Variants in SYT12 observed in about 807,000 individuals in gnomAD.
SYT12 encodes synaptotagmin-12.
In SYT12, 27 loss-of-function variants were observed where a neutral mutation model predicts 39.5. The ratio of observed to expected loss-of-function variants is 0.68; its 90% CI spans 0.50 to 0.94. SYT12 has a LOEUF of 0.94. Ranked by LOEUF, SYT12 falls within the 40% of genes least tolerant of loss-of-function variation. SYT12 has a pLI of 0.00. For missense variants in SYT12, 536 were observed against 572.6 expected (o/e 0.94, Z 0.65); for synonymous variants, 233 against 239.7 (o/e 0.97, Z 0.26).
intron 4 of SYT12, 72 bp from the exon 5 acceptor site, chr11:67,043,566 C>A: frequency 7.0e-7 from 1 of 1,428,344 alleles, no homozygotes. Context: ...CCTCTGGACT[C>A]CCTGTCCAGT....
chr11:67,045,970 G>A (rs1251142603), intron 7 of SYT12, 93 bp downstream of exon 7: 9 of 1,532,500 alleles, frequency 5.9e-6, no homozygotes, highest in Non-Finnish European at 7.1e-6. Flanking sequence ...GGCCCCTGCA[G>A]GGGTAGTGGT....
chr11:67,044,550 T>A, intron 5 of SYT12, 43 bp from the exon 6 acceptor site: 2 of 1,599,408 alleles, frequency 1.3e-6, no homozygotes. Flanking sequence ...ACCCCTCAAG[T>A]CGGGTGGGGA....
At chr11:67,014,802 G>A (rs529722639) in intron 3 of SYT12, among the ~76,000 whole-genome samples, 3 of 152,216 alleles carry the variant, frequency 2.0e-5, no homozygotes, top group Admixed American at 2.0e-4. Context: ...ACCTGGCCAG[G>A]TTCCCTGTCC....
intron 1 of SYT12, among the ~76,000 whole-genome samples, chr11:67,025,770 G>T (rs939558257): frequency 5.9e-5 from 9 of 152,138 alleles, no homozygotes; most frequent in African/African-American, 2.2e-4. Context: ...CCAATTCACT[G>T]CCCTTCTCTG....
intron 1 of SYT12, among the ~76,000 whole-genome samples, chr11:67,009,345 G>A (rs1451865841): frequency 6.6e-6 from 1 of 151,858 alleles, no homozygotes; most frequent in Admixed American, 6.6e-5. Context: ...AAAGGCTTGA[G>A]GGCAGTGGCT....
intron 7 of SYT12, among the ~76,000 whole-genome samples, chr11:67,046,107 A>G (rs770150281): frequency 8.6e-5 from 13 of 151,420 alleles, no homozygotes; most frequent in Non-Finnish European, 1.3e-4. Flanking sequence ...TCCCTAATCC[A>G]CTAAGAGTGT....
rs1433189570 is a variant in SYT12 at position 67,035,590 on chromosome 11, T to A, written c.228+752T>A. Among the ~76,000 whole-genome samples, 6 of 151,032 alleles carry A rather than the reference T, an allele frequency of 4.0e-5. No individual in the cohort carries two copies. The East Asian group carries it at 1.2e-3, about 30-fold the overall frequency. On this transcript the variant is annotated intron_variant, in intron 3 of 7. Transcript: ENST00000527043. ...CTCCTGCCTCAGCCTCCTGAGTAGC[T>A]GGGACTACAGGCACCCGCCACCATG...
chr11:67,019,871 T>C (rs1950090779), upstream of SYT12, among the ~76,000 whole-genome samples: 1 of 140,150 alleles, frequency 7.1e-6, no homozygotes, highest in Non-Finnish European at 1.5e-5. Flanking sequence ...CACTCCAGCC[T>C]GGGTGAAAGA....
intron 7 of SYT12, among the ~76,000 whole-genome samples, chr11:67,048,161 C>T (rs531115388): frequency 1.3e-5 from 2 of 150,474 alleles, no homozygotes; most frequent in Non-Finnish European, 3.0e-5. Context: ...ATCCCAGCTA[C>T]TTGGGAGGCT....
chr11:67,034,453 C>A (rs1309811464), intron 2 of SYT12, among the ~76,000 whole-genome samples, 192 bp from the exon 3 acceptor site: 1 of 152,206 alleles, frequency 6.6e-6, no homozygotes, highest in African/African-American at 2.4e-5. Context: ...CAGAAAAAAT[C>A]TGAAACCCAA....
intron 4 of SYT12, among the ~76,000 whole-genome samples, chr11:67,043,071 T>C (rs1048234524): frequency 2.1e-4 from 32 of 152,124 alleles, no homozygotes; most frequent in African/African-American, 6.0e-4. Flanking sequence ...GAGCCCGCAA[T>C]GCACCTTCCC....
At chr11:67,039,734 C>T in intron 3 of SYT12, 77 bp from the exon 4 acceptor site, 1 of 1,507,624 alleles carries the variant, frequency 6.6e-7, no homozygotes, top group Non-Finnish European at 8.9e-7. Flanking sequence ...ACAGGCCTTA[C>T]TCATCTCTTT....
At chr11:67,013,772 G>C (rs910353559) in intron 3 of SYT12, among the ~76,000 whole-genome samples, 1 of 152,262 alleles carries the variant, frequency 6.6e-6, no homozygotes, top group African/African-American at 2.4e-5. Flanking sequence ...TGCCGTCTGC[G>C]TTCCTTTCCT....
chr11:67,009,049 C>A (rs548159054), intron 1 of SYT12, among the ~76,000 whole-genome samples: 1 of 151,798 alleles, frequency 6.6e-6, no homozygotes, highest in Non-Finnish European at 1.5e-5. Context: ...CTGGCTCTGT[C>A]GCCCAGGCTA....
At chr11:67,018,828 AAAAAAG>A (rs1407680128), upstream of SYT12, among the ~76,000 whole-genome samples, 1 of 152,078 alleles carries the variant, frequency 6.6e-6, no homozygotes, top group Non-Finnish European at 1.5e-5. Flanking sequence ...GTCTCAAAAA[AAAAAAG>A]AAAAAGAAAA....
intron 1 of SYT12, chr11:67,028,512 G>A (rs1393903709): frequency 6.6e-6 from 1 of 152,180 alleles, no homozygotes; most frequent in Non-Finnish European, 1.5e-5. Context: ...CACCCCAAAT[G>A]TGCTGGATAA....
At chr11:67,041,059 C>T (rs1242640919) in intron 4 of SYT12, among the ~76,000 whole-genome samples, 1 of 151,896 alleles carries the variant, frequency 6.6e-6, no homozygotes, top group Non-Finnish European at 1.5e-5. Flanking sequence ...ATTTATAGTC[C>T]CAGCTACTTG....
intron 3 of SYT12, among the ~76,000 whole-genome samples, chr11:67,017,995 C>T (rs1020269309): frequency 6.6e-6 from 1 of 150,818 alleles, no homozygotes. Context: ...GGCGCGGTGG[C>T]TCACACATGT....
At position 67,043,565 on chromosome 11, in the gene SYT12, T is replaced by C. The variant is rs1235826447; in HGVS notation, c.622-73T>C. The C allele has an allele frequency of 7.1e-6, 10 of 1,412,374 alleles. No individual in the cohort carries two copies. In the East Asian group the frequency reaches 2.3e-4, roughly 32 times the overall value. 87.5% of individuals were successfully genotyped at this position (1,412,374 alleles called of 1,614,324 possible). ...AGGACTCTAGCCTGGGCCTCTGGAC[T>C]CCCTGTCCAGTGCTGTCTCCCTGCT... On this transcript the variant is annotated intron_variant, in intron 4 of 7. Transcript: ENST00000527043.
Sources: gnomAD v4.1 joint callset for allele counts (sites outside exome capture counted in the v4.1 genomes callset) on GRCh38, gnomAD v4.1.1 for gene constraint, MANE v1.5 for transcripts, NCBI Gene and HGNC (gene_info 2026-07-23, HGNC 2026-07-21) for gene names.